The following OR2AG1 variants were observed in gnomAD, a reference collection of about 807,000 sequenced individuals.
OR2AG1 encodes olfactory receptor 2AG1.
For synonymous variants in OR2AG1, 157 were observed against 155.6 expected (o/e 1.01, Z -0.07); for missense variants, 391 against 385.9 (o/e 1.01, Z -0.11).
At chr11:6,783,903 A>C (rs1254745930) in intron 1 of OR2AG1, among the ~76,000 whole-genome samples, 1 of 152,258 alleles carries the variant, frequency 6.6e-6, no homozygotes, top group Non-Finnish European at 1.5e-5. Flanking sequence ...AAATATGAAA[A>C]CATAGATGCC....
Position 6,785,897 on chromosome 11 carries a change from C to T in OR2AG1, c.860C>T (p.Pro287Leu). 1.2e-6 allele frequency: 2 copies of T among 1,614,118 alleles called. No homozygotes were observed. The highest frequency in any genetic ancestry group is 1.7e-6 in the Non-Finnish European group (2 of 1,180,010). ...ACAATTGTCACTCCAGCCCTGAATC[C>T]ACTCATCTACAGCCTGAGGAATAAG... ...FYTIVTPALNPLIYSLRNKEV... is the reference protein window; with the variant it reads ...FYTIVTPALNLLIYSLRNKEV... Residue 287 changes from proline (P) to leucine (L), a missense_variant, in exon 2 of 2, where the codon CCA (proline) becomes CTA (leucine). Physicochemically the swap from Pro to Leu is moderately conservative, Grantham distance 98 (BLOSUM62 -3). Transcript: ENST00000641258.
chr11:6,785,073 C>A lies in OR2AG1; in HGVS notation c.36C>A (p.Phe12Leu). 1 of 1,612,600 alleles carries A rather than the reference C, an allele frequency of 6.2e-7. No homozygotes were observed. The highest frequency in any genetic ancestry group is 8.5e-7 in the Non-Finnish European group (1 of 1,179,074). The change falls in exon 2 of 2, where the codon TTC becomes TTA. Residue 12 changes from phenylalanine (F) to leucine (L), a missense_variant. Coordinates refer to ENST00000641258, the MANE Select transcript of OR2AG1 (RefSeq NM_001004489.3). ...GGAACTTCACCTTGGGAAGTGGCTT[C>A]ATTTTGGTGGGGATTCTGAATGACA... ...ELWNFTLGSG[F>L]ILVGILNDSG...
rs541147854 is a variant in OR2AG1, at chr11:6,788,468, T to C, written c.*2480T>C. ...TCTAGTAAGCTATATTTTGGCTAAC[T>C]CTTCAGTTCTAGCTTCTTTCTCCTC... On this transcript the variant is annotated 3_prime_UTR_variant, in exon 2 of 2. Coordinates refer to ENST00000641258, the MANE Select transcript of OR2AG1 (RefSeq NM_001004489.3). The C allele has an allele frequency of 2.4e-4, 37 of 152,338 alleles. No individual in the cohort carries two copies. The highest frequency in any genetic ancestry group is 7.5e-4 in the African/African-American group (31 of 41,576). 9.4% of individuals were successfully genotyped at this position (152,338 alleles called of 1,614,324 possible). A position where few individuals can be genotyped will look rare whatever the true frequency, so the allele number is the denominator to read the frequency against.
At position 6,790,422 on chromosome 11, in the gene OR2AG1, G is replaced by C. The variant is rs920453678; in HGVS notation, c.*4434G>C. 3 of 152,278 alleles carry C rather than the reference G, an allele frequency of 2.0e-5. No homozygotes were observed. The East Asian group carries it at 5.8e-4, about 29-fold the overall frequency. 9.4% of individuals were successfully genotyped at this position (152,278 alleles called of 1,614,324 possible). Reference sequence around the variant, plus strand: ...TTCTCACAACACACACGCACAGAGGGTAAGTATGTAAGGTGATTGATATGT... The same window carrying C: ...TTCTCACAACACACACGCACAGAGGCTAAGTATGTAAGGTGATTGATATGT... On this transcript the variant is annotated 3_prime_UTR_variant, in exon 2 of 2. Coordinates refer to ENST00000641258, the MANE Select transcript of OR2AG1 (RefSeq NM_001004489.3).
At position 6,786,166 on chromosome 11, in the gene OR2AG1, T is replaced by C. The variant is rs1364848225; in HGVS notation, c.*178T>C. The C allele has an allele frequency of 1.8e-6, 1 of 566,826 alleles. No individual in the cohort carries two copies. The highest frequency in any genetic ancestry group is 2.9e-5 in the East Asian group (1 of 34,988). 35.1% of individuals were successfully genotyped at this position (566,826 alleles called of 1,614,324 possible). ...TAAATCTTCTCTCCATGAAGTAATT[T>C]ATAGGGCATGATTTACACTATCTAA... On this transcript the variant is annotated 3_prime_UTR_variant, in exon 2 of 2. Transcript: ENST00000641258.
rs1847592726 is a variant in OR2AG1 at position 6,783,439 on chromosome 11, G to A, written c.-53G>A. ...TCAAACAATCCCTAGGAAAGTCTGA[G>A]TGGTCGGACAGCTAAGCTTCTCACA... On this transcript the variant is annotated 5_prime_UTR_variant, in exon 1 of 2. It adds an upstream start codon to the 5' untranslated region. Coordinates refer to ENST00000641258, the MANE Select transcript of OR2AG1 (RefSeq NM_001004489.3). 1 of 152,210 alleles carries A rather than the reference G, an allele frequency of 6.6e-6. No homozygotes were observed. Among genetic ancestry groups the A allele is most frequent in the African/African-American group, 2.4e-5 (1 of 41,440 alleles). The allele number at this position is 152,210 out of a possible 1,614,324, so 9.4% of individuals were successfully genotyped here. A position where few individuals can be genotyped will look rare whatever the true frequency, so the allele number is the denominator to read the frequency against.
chr11:6,784,536 C>T (rs1259338711), intron 1 of OR2AG1, among the ~76,000 whole-genome samples: 1 of 152,188 alleles, frequency 6.6e-6, no homozygotes, highest in African/African-American at 2.4e-5. Flanking sequence ...AGGCTTTCAT[C>T]TACTGCCTTG....
Position 6,785,429 on chromosome 11 carries a change from C to A in OR2AG1, c.392C>A (p.Thr131Lys), listed in dbSNP as rs769923862. The change falls in exon 2 of 2, where the codon ACA (threonine) becomes AAA (lysine). Residue 131 changes from threonine to lysine, a missense_variant. Coordinates refer to ENST00000641258, the MANE Select transcript of OR2AG1 (RefSeq NM_001004489.3). Reference protein sequence around the residue: ...DRYVAICHPLTYMTLMSSRAC... With the variant: ...DRYVAICHPLKYMTLMSSRAC... ...TATGTGGCCATTTGTCATCCTCTGA[C>A]ATACATGACCCTCATGAGCTCAAGA... The A allele has an allele frequency of 5.2e-5, 84 of 1,614,020 alleles. No individual in the cohort carries two copies. The highest frequency in any genetic ancestry group is 1.6e-4 in the Middle Eastern group (1 of 6,084).
intron 1 of OR2AG1, among the ~76,000 whole-genome samples, chr11:6,783,755 T>G (rs573503253): frequency 1.3e-5 from 2 of 152,332 alleles, no homozygotes; most frequent in South Asian, 4.1e-4. Context: ...TGGCTCCCGG[T>G]AACGCATTTT....
At position 6,783,197 on chromosome 11, in the gene OR2AG1, A is replaced by G. The variant is rs1002600974; in HGVS notation, c.-295A>G. The G allele has an allele frequency of 2.0e-5, 3 of 152,230 alleles. No individual in the cohort carries two copies. Among genetic ancestry groups the G allele is most frequent in the Non-Finnish European group, 2.9e-5 (2 of 68,056 alleles). 9.4% of individuals were successfully genotyped at this position (152,230 alleles called of 1,614,324 possible). On this transcript the variant is annotated 5_prime_UTR_variant, in exon 1 of 2. In the 5' UTR this introduces an upstream ATG that the reference lacks. Transcript: ENST00000641258. Reference sequence around the variant, plus strand: ...CAAGAAAGTAATCTTCTTCCTATATAGGAAACTACCCAAATTCTGTATTAG... The same window carrying G: ...CAAGAAAGTAATCTTCTTCCTATATGGGAAACTACCCAAATTCTGTATTAG...
chr11:6,785,584 C>G lies in OR2AG1; in HGVS notation c.547C>G (p.His183Asp), dbSNP rs1847617039. Residue 183 changes from histidine to aspartate, a missense_variant, in exon 2 of 2, where the codon CAC becomes GAC. By Grantham distance (81) the His-to-Asp change is moderately conservative. Coordinates refer to ENST00000641258, the MANE Select transcript of OR2AG1 (RefSeq NM_001004489.3). The part of the protein sequence containing the change: ...EIRHLLCEIP[H>D]LLKVACADTS... ...CAGGCATCTTCTCTGTGAGATCCCACACTTGCTGAAGGTGGCCTGTGCTGA... is the reference window on the plus strand; with the variant it reads ...CAGGCATCTTCTCTGTGAGATCCCAGACTTGCTGAAGGTGGCCTGTGCTGA... 1 of 1,614,082 alleles carries G rather than the reference C, an allele frequency of 6.2e-7. No individual in the cohort carries two copies. The highest frequency in any genetic ancestry group is 8.5e-7 in the Non-Finnish European group (1 of 1,180,040).
Position 6,785,659 on chromosome 11 carries a change from A to T in OR2AG1, c.622A>T (p.Ile208Phe), listed in dbSNP as rs570099122. The change falls in exon 2 of 2, where the codon ATT becomes TTT. Residue 208 changes from isoleucine to phenylalanine, a missense_variant. Transcript: ENST00000641258. Reference protein sequence around the residue: ...MVYVMGVTFLIPSLAAILASY... With the variant: ...MVYVMGVTFLFPSLAAILASY... The stretch of plus-strand genomic sequence containing the variant: ...ATATGTGATGGGTGTGACCTTCCTG[A>T]TTCCCTCTCTTGCTGCTATACTGGC... 2.5e-6 allele frequency: 4 copies of T among 1,613,774 alleles called. No homozygotes were observed. The South Asian group carries it at 4.4e-5, about 18-fold the overall frequency.
rs1390469057 is a variant in OR2AG1, at chr11:6,788,745, T to C, written c.*2757T>C. ...TCACACTTCACTAGAACAGAAGCAG[T>C]TGGCTACAAAGCCCTCTTCAAATCC... On this transcript the variant is annotated 3_prime_UTR_variant, in exon 2 of 2. Coordinates refer to ENST00000641258, the MANE Select transcript of OR2AG1 (RefSeq NM_001004489.3). 1 of 152,020 alleles carries C rather than the reference T, an allele frequency of 6.6e-6. No homozygotes were observed. The highest frequency in any genetic ancestry group is 6.6e-5 in the Admixed American group (1 of 15,244). 9.4% of individuals were successfully genotyped at this position (152,020 alleles called of 1,614,324 possible). A position where few individuals can be genotyped will look rare whatever the true frequency, so the allele number is the denominator to read the frequency against.
Position 6,791,345 on chromosome 11 carries a change from G to A in OR2AG1, c.*5357G>A, listed in dbSNP as rs1847687292. ...CATGAAAATCACACAAGGCAATCTTGATCTGAGGAATGCTTCTAAGAGAAA... is the reference window on the plus strand; with the variant it reads ...CATGAAAATCACACAAGGCAATCTTAATCTGAGGAATGCTTCTAAGAGAAA... On this transcript the variant is annotated 3_prime_UTR_variant, in exon 2 of 2. Transcript: ENST00000641258. 1 of 152,154 alleles carries A rather than the reference G, an allele frequency of 6.6e-6. No individual in the cohort carries two copies. 9.4% of individuals were successfully genotyped at this position (152,154 alleles called of 1,614,324 possible).
chr11:6,784,931 A>C lies in OR2AG1; in HGVS notation c.-20-87A>C, dbSNP rs1019101651. 20 of 663,368 alleles carry C rather than the reference A, an allele frequency of 3.0e-5. No individual in the cohort carries two copies. The Admixed American group carries it at 5.2e-4, about 17-fold the overall frequency. 41.1% of individuals were successfully genotyped at this position (663,368 alleles called of 1,614,324 possible). The stretch of plus-strand genomic sequence containing the variant: ...TTATCAGTGGAAAGGGTAACATCTC[A>C]GTGGATTCATGTCCTAAGAAGCCTC... On this transcript the variant is annotated intron_variant, in intron 1 of 1. Coordinates refer to ENST00000641258, the MANE Select transcript of OR2AG1 (RefSeq NM_001004489.3).
Position 6,788,292 on chromosome 11 carries a change from CTA to C in OR2AG1, c.*2308_*2309del, listed in dbSNP as rs926431137. On this transcript the variant is annotated 3_prime_UTR_variant, in exon 2 of 2. Transcript: ENST00000641258. Reference sequence around the variant, plus strand: ...TATATATTTTATGTGTTTTGTCACTCTATATGTTTAACTTTAACAATAAATGT... The same window carrying C: ...TATATATTTTATGTGTTTTGTCACTCTATGTTTAACTTTAACAATAAATGT... 2.6e-5 allele frequency: 4 copies of C among 152,016 alleles called. No individual in the cohort carries two copies. Among genetic ancestry groups the C allele is most frequent in the Admixed American group, 2.6e-4 (4 of 15,266 alleles). 9.4% of individuals were successfully genotyped at this position (152,016 alleles called of 1,614,324 possible). A position where few individuals can be genotyped will look rare whatever the true frequency, so the allele number is the denominator to read the frequency against.
At chr11:6,784,721 C>A (rs1398795469) in intron 1 of OR2AG1, among the ~76,000 whole-genome samples, 1 of 152,190 alleles carries the variant, frequency 6.6e-6, no homozygotes, top group Non-Finnish European at 1.5e-5. Context: ...TTTCTTTAAT[C>A]TTAAGAGAAA....
At position 6,785,047 on chromosome 11, in the gene OR2AG1, T is replaced by C. The variant is rs1232523735; in HGVS notation, c.10T>C (p.Trp4Arg). The part of the protein sequence containing the change: MEL[W>R]NFTLGSGFIL... ...TGAAAGAAACCACAGCATGGAGCTC[T>C]GGAACTTCACCTTGGGAAGTGGCTT... Residue 4 changes from tryptophan to arginine, a missense_variant, in exon 2 of 2, where the codon TGG (tryptophan) becomes CGG (arginine). By Grantham distance (101) the Trp-to-Arg change is moderately radical. Transcript: ENST00000641258. The C allele has an allele frequency of 7.5e-6, 12 of 1,605,584 alleles. No individual in the cohort carries two copies. The highest frequency in any genetic ancestry group is 1.7e-5 in the Admixed American group (1 of 59,588).
In OR2AG1 at chr11:6,786,737, G is replaced by C. The variant is rs980518104; in HGVS notation, c.*749G>C. The C allele has an allele frequency of 4.6e-5, 7 of 152,130 alleles. No homozygotes were observed. Among genetic ancestry groups the C allele is most frequent in the African/African-American group, 1.7e-4 (7 of 41,416 alleles). The allele number at this position is 152,130 out of a possible 1,614,324, so 9.4% of individuals were successfully genotyped here. A position where few individuals can be genotyped will look rare whatever the true frequency, so the allele number is the denominator to read the frequency against. On this transcript the variant is annotated 3_prime_UTR_variant, in exon 2 of 2. Transcript: ENST00000641258. ...AAATAGTGATTTTCCATTATCCAAG[G>C]CTATCTTGTAACATTCCAACCATTG...
Sources: gnomAD v4.1 joint callset for allele counts (sites outside exome capture counted in the v4.1 genomes callset) on GRCh38, gnomAD v4.1.1 for gene constraint, MANE v1.5 for transcripts, NCBI Gene and HGNC (gene_info 2026-07-23, HGNC 2026-07-21) for gene names.